The following NR3C1 variants were observed in gnomAD, a reference collection of about 807,000 sequenced individuals.
The protein encoded by NR3C1 is glucocorticoid receptor.
In NR3C1, 14 loss-of-function variants were observed where a neutral mutation model predicts 74.0. The observed-to-expected ratio is 0.19, with a 90% CI of 0.12 to 0.30. The LOEUF (loss-of-function observed/expected upper bound fraction) is 0.30, where lower values mean the gene tolerates loss of function less well. Ranked by LOEUF, NR3C1 falls within the 10% of genes least tolerant of loss-of-function variation. The pLI is 1.00. For missense variants in NR3C1, 695 were observed against 909.8 expected, an observed-to-expected ratio of 0.76 and a Z score of 3.04; for synonymous variants, 308 against 332.5, an observed-to-expected ratio of 0.93 and a Z score of 0.80.
intron 1 of NR3C1, among the ~76,000 whole-genome samples, chr5:143,401,922 T>C (rs1303398648): frequency 2.0e-5 from 3 of 152,238 alleles, no homozygotes; most frequent in Admixed American, 1.3e-4. Flanking sequence ...AGAGTAAGAC[T>C]GTTAGTATAT....
chr5:143,329,269 G>T (rs146263457), intron 2 of NR3C1, among the ~76,000 whole-genome samples: 2 of 152,114 alleles, frequency 1.3e-5, no homozygotes, highest in Non-Finnish European at 2.9e-5. Context: ...GATGTTTTGC[G>T]ATCTCCCACA....
chr5:143,397,583 T>G (rs986747226), intron 2 of NR3C1, among the ~76,000 whole-genome samples: 2 of 151,924 alleles, frequency 1.3e-5, no homozygotes, highest in African/African-American at 4.8e-5. Flanking sequence ...CTTCAAATAT[T>G]AACAAAATAC....
At chr5:143,301,128 G>T in intron 4 of NR3C1, among the ~76,000 whole-genome samples, 1 of 151,130 alleles carries the variant, frequency 6.6e-6, no homozygotes, top group East Asian at 1.9e-4. Flanking sequence ...AATTTCATTG[G>T]TTATATAAGG....
chr5:143,361,605 C>T (rs937970143), intron 2 of NR3C1, among the ~76,000 whole-genome samples: 1 of 152,162 alleles, frequency 6.6e-6, no homozygotes, highest in Non-Finnish European at 1.5e-5. Context: ...TAAACAATTG[C>T]TCAAACACTG....
chr5:143,431,569 TGG>T (rs2151964321), intron 1 of NR3C1, among the ~76,000 whole-genome samples: 1 of 152,036 alleles, frequency 6.6e-6, no homozygotes, highest in African/African-American at 2.4e-5. Flanking sequence ...ACCTAGGTGG[TGG>T]GTTGATAGGT....
At chr5:143,348,757 G>A (rs1299324600) in intron 2 of NR3C1, among the ~76,000 whole-genome samples, 4 of 152,098 alleles carry the variant, frequency 2.6e-5, no homozygotes, top group East Asian at 1.9e-4. Flanking sequence ...TGTTAGCCAT[G>A]AGTTCAATGT....
rs1161317223 is a variant in NR3C1 at position 143,399,723 on chromosome 5, C to T, written c.1117G>A (p.Asp373Asn). 1 of 1,614,192 alleles carries T rather than the reference C, an allele frequency of 6.2e-7. No individual in the cohort carries two copies. The stretch of plus-strand genomic sequence containing the variant: ...AGAGTCCCCAGAGAAGTCAAGTTGT[C>T]ATCTCCAGATCCTTGGCACCTATTC... ...NWNRCQGSGD[D>N]NLTSLGTLNF... The change falls in exon 2 of 9, where the codon GAC becomes AAC. Residue 373 changes from aspartate to asparagine, a missense_variant. By Grantham distance (23) the Asp-to-Asn change is conservative. Coordinates refer to ENST00000394464, the MANE Select transcript of NR3C1 (RefSeq NM_000176.3).
intron 2 of NR3C1, among the ~76,000 whole-genome samples, chr5:143,373,575 A>G (rs1174294627): frequency 6.6e-6 from 1 of 152,322 alleles, no homozygotes; most frequent in South Asian, 2.1e-4. Flanking sequence ...ACAAACCTGC[A>G]CGTTGTGCAC....
At chr5:143,290,577 A>G (rs1409673232) in intron 7 of NR3C1, among the ~76,000 whole-genome samples, 1 of 151,964 alleles carries the variant, frequency 6.6e-6, no homozygotes, top group Non-Finnish European at 1.5e-5. Context: ...CTCTACATTT[A>G]TTTTATTTTT....
At chr5:143,342,010 C>T (rs961872224) in intron 2 of NR3C1, among the ~76,000 whole-genome samples, 1 of 151,976 alleles carries the variant, frequency 6.6e-6, no homozygotes, top group Non-Finnish European at 1.5e-5. Flanking sequence ...ATAAGCTGTT[C>T]CACTGATGCC....
intron 2 of NR3C1, among the ~76,000 whole-genome samples, chr5:143,355,352 T>A (rs1412120503): frequency 6.6e-6 from 1 of 152,172 alleles, no homozygotes; most frequent in Non-Finnish European, 1.5e-5. Context: ...AGGTGATTCT[T>A]ACTTGATACT....
chr5:143,431,396 A>C (rs899422596), intron 1 of NR3C1, among the ~76,000 whole-genome samples: 1 of 152,112 alleles, frequency 6.6e-6, no homozygotes, highest in Non-Finnish European at 1.5e-5. Flanking sequence ...AATTCCAATA[A>C]GAAAAATTGG....
intron 2 of NR3C1, among the ~76,000 whole-genome samples, chr5:143,334,494 G>A (rs571112929): frequency 2.2e-4 from 34 of 152,222 alleles, no homozygotes; most frequent in South Asian, 4.2e-4. Flanking sequence ...ATCTGAAATC[G>A]GCACATTCCA....
intron 2 of NR3C1, chr5:143,333,278 A>C (rs1261844727): frequency 2.3e-5 from 20 of 857,248 alleles, no homozygotes; most frequent in Non-Finnish European, 3.6e-5. Context: ...CCTTGGGCTG[A>C]CTTTTGATAG....
intron 2 of NR3C1, among the ~76,000 whole-genome samples, chr5:143,334,913 C>T (rs370966947): frequency 5.3e-5 from 8 of 152,222 alleles, no homozygotes; most frequent in African/African-American, 1.9e-4. Context: ...TTTAATTTTT[C>T]TCACAGTGCG....
chr5:143,410,281 C>A (rs1455209546), intron 1 of NR3C1, among the ~76,000 whole-genome samples: 1 of 152,156 alleles, frequency 6.6e-6, no homozygotes, highest in Non-Finnish European at 1.5e-5. Flanking sequence ...TGAGAACCTG[C>A]ATTTCCATTT....
intron 1 of NR3C1, among the ~76,000 whole-genome samples, chr5:143,411,631 G>T (rs888124034): frequency 1.3e-5 from 2 of 152,060 alleles, no homozygotes; most frequent in Admixed American, 1.3e-4. Context: ...CACTGAAATG[G>T]TTCTGTGAAA....
At chr5:143,366,529 G>C (rs1833232153) in intron 2 of NR3C1, among the ~76,000 whole-genome samples, 1 of 148,724 alleles carries the variant, frequency 6.7e-6, no homozygotes, top group Non-Finnish European at 1.5e-5. Context: ...AAAAAAAGCT[G>C]TTCCCCTGAA....
chr5:143,289,334 G>T (rs943854894), intron 7 of NR3C1, among the ~76,000 whole-genome samples: 2 of 152,144 alleles, frequency 1.3e-5, no homozygotes, highest in Non-Finnish European at 2.9e-5. Context: ...CTACAAAATT[G>T]CCAAGTAACT....
Sources: allele counts gnomAD v4.1 joint callset (sites outside exome capture counted in the v4.1 genomes callset), GRCh38; gene constraint gnomAD v4.1.1; transcripts MANE v1.5; gene names NCBI Gene and HGNC (gene_info 2026-07-23, HGNC 2026-07-21).